IFT88: variants seen among roughly 807,000 people sequenced by gnomAD.
The protein encoded by IFT88 is intraflagellar transport protein 88 homolog.
In IFT88, 74 loss-of-function variants were observed where a neutral mutation model predicts 119.5. The ratio of observed to expected loss-of-function variants is 0.62; its 90% CI spans 0.51 to 0.75. The LOEUF is 0.75. Ranked by LOEUF, IFT88 falls within the 30% of genes least tolerant of loss-of-function variation. The pLI, the probability that IFT88 is intolerant of heterozygous loss-of-function variation, is 0.00. For missense variants in IFT88, 961 were observed against 977.7 expected (o/e 0.98, Z 0.23); for synonymous variants, 279 against 316.7 (o/e 0.88, Z 1.26).
chr13:20,590,572 G>A (rs2040495195), intron 4 of IFT88, among the ~76,000 whole-genome samples: 1 of 152,150 alleles, frequency 6.6e-6, no homozygotes, highest in Admixed American at 6.6e-5. Context: ...TAGCCTGAGT[G>A]TGTATTACTC....
intron 14 of IFT88, among the ~76,000 whole-genome samples, chr13:20,624,962 C>A (rs886874400): frequency 1.3e-5 from 2 of 152,086 alleles, no homozygotes; most frequent in Non-Finnish European, 2.9e-5. Context: ...AACCATAATT[C>A]CCTTGATGTA....
chr13:20,673,134 C>G (rs1243967507), intron 24 of IFT88, among the ~76,000 whole-genome samples: 1 of 152,166 alleles, frequency 6.6e-6, no homozygotes, highest in South Asian at 2.1e-4. Context: ...TTCACCATCC[C>G]CTAAGGATTC....
intron 25 of IFT88, 96 bp downstream of exon 25, chr13:20,690,911 A>G (rs1353085203): frequency 6.5e-6 from 9 of 1,375,566 alleles, no homozygotes; most frequent in Non-Finnish European, 8.2e-6. Context: ...TAAGAATTTG[A>G]TATTTACAGA....
At chr13:20,618,470 A>G (rs1055469358) in intron 14 of IFT88, among the ~76,000 whole-genome samples, 6 of 152,210 alleles carry the variant, frequency 3.9e-5, no homozygotes, top group African/African-American at 1.4e-4. Context: ...GTCCCAACAC[A>G]CAGGCTGCGT....
chr13:20,567,611 G>C, intron 1 of IFT88: 2 of 416,452 alleles, frequency 4.8e-6, no homozygotes, highest in Non-Finnish European at 6.6e-6. Context: ...AGATTACTGC[G>C]CCAGCTCTGG....
At chr13:20,635,252 A>G (rs754471566) in intron 16 of IFT88, among the ~76,000 whole-genome samples, 8 of 152,140 alleles carry the variant, frequency 5.3e-5, no homozygotes, top group South Asian at 2.1e-4. Flanking sequence ...AGACACATGC[A>G]CACATATGTT....
intron 12 of IFT88, among the ~76,000 whole-genome samples, chr13:20,603,386 C>CAA (rs59421842): frequency 6.2e-5 from 6 of 96,064 alleles, no homozygotes; most frequent in African/African-American, 1.0e-4. Context: ...AACTCCATCT[C>CAA]AAAAAAAAAA....
At chr13:20,651,217 G>A (rs2051606967) in intron 20 of IFT88, among the ~76,000 whole-genome samples, 1 of 151,814 alleles carries the variant, frequency 6.6e-6, no homozygotes, top group South Asian at 2.1e-4. Context: ...ACACCATTGG[G>A]ATTTTGATAG....
At chr13:20,643,721 A>G (rs2050305150) in intron 19 of IFT88, 116 bp downstream of exon 19, 1 of 719,696 alleles carries the variant, frequency 1.4e-6, no homozygotes, top group Non-Finnish European at 2.3e-6. Flanking sequence ...TGATTTATTT[A>G]AAATAAAGCA....
At chr13:20,677,120 C>T (rs2056767517) in intron 24 of IFT88, among the ~76,000 whole-genome samples, 1 of 152,148 alleles carries the variant, frequency 6.6e-6, no homozygotes, top group African/African-American at 2.4e-5. Flanking sequence ...TTAAGTTTGC[C>T]ACATAACAAA....
intron 13 of IFT88, among the ~76,000 whole-genome samples, chr13:20,610,276 C>T (rs118187323): frequency 3.2e-3 from 486 of 152,172 alleles, no homozygotes; most frequent in Non-Finnish European, 5.3e-3. Context: ...GTTCGCTAGT[C>T]TGTTGTTTGC....
chr13:20,663,333 C>T, intron 22 of IFT88, 165 bp from the exon 23 acceptor site: 6 of 1,516,688 alleles, frequency 4.0e-6, no homozygotes, highest in Non-Finnish European at 5.3e-6. Flanking sequence ...AGTCAGTTCT[C>T]CCTGGTCCAG....
chr13:20,597,769 A>ATATATATATATATATATATATTTTTTTT (rs1452719272), intron 9 of IFT88, among the ~76,000 whole-genome samples: 4 of 143,838 alleles, frequency 2.8e-5, no homozygotes, highest in Non-Finnish European at 3.0e-5. Context: ...ATATATATAT[A>ATATATATATATATATATATATTTTTTTT]TTTTTTTTTT....
rs138882482 is a variant in IFT88 at position 20,610,004 on chromosome 13, C to T, written c.1112+4899C>T. Among the ~76,000 whole-genome samples, 6 of 152,088 alleles carry T rather than the reference C, an allele frequency of 3.9e-5. No individual in the cohort carries two copies. The East Asian group carries it at 7.7e-4, about 20-fold the overall frequency. On this transcript the variant is annotated intron_variant, in intron 13 of 25. Transcript: ENST00000351808. ...ACACCCAGCTTCTTGCTGGCATTTG[C>T]GAGGAGACAGCAGCAGATAAGAGGT...
At chr13:20,681,825 C>T (rs1594904524) in intron 24 of IFT88, among the ~76,000 whole-genome samples, 1 of 152,338 alleles carries the variant, frequency 6.6e-6, no homozygotes, top group African/African-American at 2.4e-5. Flanking sequence ...TCAATTACAG[C>T]TACAAGCTCC....
chr13:20,622,339 A>G (rs762798816), intron 14 of IFT88, among the ~76,000 whole-genome samples: 5 of 152,204 alleles, frequency 3.3e-5, no homozygotes, highest in Non-Finnish European at 7.3e-5. Context: ...CTCTTTGGAT[A>G]AATACCAAGG....
intron 1 of IFT88, chr13:20,568,138 C>G: frequency 1.7e-6 from 1 of 580,644 alleles, no homozygotes. Flanking sequence ...AGTAGACTGT[C>G]CATAGTCAGT....
chr13:20,567,851 G>C lies in IFT88; in HGVS notation c.-7+595G>C, dbSNP rs1387940591. ...CTTTTACTAGTCCGATTTTCTGGTTGTGAGTTTTTTTTGTTTGTTTTTTTT... is the reference window on the plus strand; with the variant it reads ...CTTTTACTAGTCCGATTTTCTGGTTCTGAGTTTTTTTTGTTTGTTTTTTTT... On this transcript the variant is annotated intron_variant, in intron 1 of 25. Transcript: ENST00000351808. 4 of 1,026,938 alleles carry C rather than the reference G, an allele frequency of 3.9e-6. No individual in the cohort carries two copies. In the African/African-American group the frequency reaches 6.5e-5, roughly 17 times the overall value. The allele number at this position is 1,026,938 out of a possible 1,614,324, so 63.6% of individuals were successfully genotyped here.
intron 24 of IFT88, among the ~76,000 whole-genome samples, chr13:20,686,933 G>C (rs2057976906): frequency 7.0e-6 from 1 of 142,092 alleles, no homozygotes; most frequent in Non-Finnish European, 1.5e-5. Context: ...TGAACTCCTG[G>C]CCTCAAATTC....
Sources: allele counts gnomAD v4.1 joint callset (sites outside exome capture counted in the v4.1 genomes callset), GRCh38; gene constraint gnomAD v4.1.1; transcripts MANE v1.5; gene names NCBI Gene and HGNC (gene_info 2026-07-23, HGNC 2026-07-21).